Variants in DGKG observed in about 807,000 individuals in gnomAD.
DGKG encodes the protein diacylglycerol kinase gamma.
A neutral mutation model predicts 105.3 loss-of-function variants in DGKG; 78 were observed. That is an observed-to-expected ratio of 0.74 (90% confidence interval 0.62 to 0.89). The LOEUF (loss-of-function observed/expected upper bound fraction) is 0.89. DGKG is among the 40% of genes least tolerant of loss of function. The pLI is 0.00. For synonymous variants in DGKG, 346 were observed against 367.1 expected (o/e 0.94, Z 0.66); for missense variants, 958 against 1,020.1 (o/e 0.94, Z 0.83).
rs928726436 is a variant in DGKG, at chr3:186,362,092, G to C, written c.-395C>G. On this transcript the variant is annotated 5_prime_UTR_variant, in exon 1 of 25. Coordinates refer to ENST00000265022, the MANE Select transcript of DGKG (RefSeq NM_001346.3). ...GTCTTCCCGCCTGCGCAGCCCTCTC[G>C]GGGGAGGGGGATGCAGCCCCAGTGG... 1 of 152,382 alleles carries C rather than the reference G, an allele frequency of 6.6e-6. No homozygotes were observed. The highest frequency in any genetic ancestry group is 1.5e-5 in the Non-Finnish European group (1 of 68,198). The allele number at this position is 152,382 out of a possible 1,614,324, so 9.4% of individuals were successfully genotyped here. A position where few individuals can be genotyped will look rare whatever the true frequency, so the allele number is the denominator to read the frequency against.
At chr3:186,292,915 CAT>C (rs999268019) in intron 5 of DGKG, among the ~76,000 whole-genome samples, 10 of 152,244 alleles carry the variant, frequency 6.6e-5, no homozygotes, top group African/African-American at 1.4e-4. Flanking sequence ...CACACACACA[CAT>C]GTAATTGCAT....
chr3:186,155,891 C>A (rs1578598214), intron 24 of DGKG, among the ~76,000 whole-genome samples: 1 of 152,136 alleles, frequency 6.6e-6, no homozygotes, highest in African/African-American at 2.4e-5. Context: ...ATTTGAAAAT[C>A]TTTTCTTCCT....
At chr3:186,267,186 A>C (rs1458239493) in intron 13 of DGKG, among the ~76,000 whole-genome samples, 1 of 152,066 alleles carries the variant, frequency 6.6e-6, no homozygotes, top group Non-Finnish European at 1.5e-5. Context: ...GAGATGAGGG[A>C]GGTTGGGAGC....
intron 3 of DGKG, 57 bp from the exon 4 acceptor site, chr3:186,298,286 G>A: frequency 6.7e-7 from 1 of 1,491,864 alleles, no homozygotes; most frequent in Non-Finnish European, 9.0e-7. Context: ...CAGAGAGGAA[G>A]AGAGAAGGAA....
intron 3 of DGKG, among the ~76,000 whole-genome samples, chr3:186,302,521 TATATATATATAC>T (rs1414821355): frequency 3.2e-4 from 20 of 62,054 alleles, no homozygotes; most frequent in East Asian, 5.5e-4. Flanking sequence ...TGTGTATATA[TATATATATATAC>T]ATATGTATAT....
In DGKG at chr3:186,275,622, A is replaced by C. The variant is rs1482376544; in HGVS notation, c.835T>G (p.Phe279Val). The C allele has an allele frequency of 1.2e-6, 2 of 1,614,230 alleles. No homozygotes were observed. Among genetic ancestry groups the C allele is most frequent in the Non-Finnish European group, 1.7e-6 (2 of 1,180,048 alleles). The change falls in exon 10 of 25, where the codon TTC (phenylalanine) becomes GTC (valine). Residue 279 changes from phenylalanine (F) to valine (V), a missense_variant. By Grantham distance (50) the Phe-to-Val change is conservative (BLOSUM62 -1). Transcript: ENST00000265022. ...DGRHAWTMKH[F>V]KKPTYCNFCH... is the part of the protein sequence containing the mutation. ...AAGTTGCAGTAGGTTGGTTTCTTGA[A>C]GTGCTTCATGGTCCAGGCGTGCCGC...
intron 17 of DGKG, among the ~76,000 whole-genome samples, chr3:186,253,602 A>T (rs1295901171): frequency 6.6e-6 from 1 of 152,210 alleles, no homozygotes. Flanking sequence ...AGAAACTGAG[A>T]TTGACAGAGG....
At chr3:186,163,411 G>C (rs1438473604) in intron 23 of DGKG, among the ~76,000 whole-genome samples, 3 of 152,152 alleles carry the variant, frequency 2.0e-5, no homozygotes, top group African/African-American at 4.8e-5. Context: ...TCTTTTGGAG[G>C]CCTCTGGTCT....
At chr3:186,300,954 C>T (rs1323549673) in intron 3 of DGKG, among the ~76,000 whole-genome samples, 2 of 152,216 alleles carry the variant, frequency 1.3e-5, no homozygotes, top group Non-Finnish European at 2.9e-5. Flanking sequence ...CTTCAATTAG[C>T]TTGCTCCCTG....
chr3:186,231,231 C>T lies in DGKG; in HGVS notation c.1826+11273G>A, dbSNP rs559452891. Among the ~76,000 whole-genome samples the T allele has an allele frequency of 6.6e-6, 1 of 152,234 alleles. No homozygotes were observed. Among genetic ancestry groups the T allele is most frequent in the Admixed American group, 6.5e-5 (1 of 15,292 alleles). On this transcript the variant is annotated intron_variant, in intron 20 of 24. Transcript: ENST00000265022. The surrounding 1 kb of genome is among the most constrained non-coding windows in gnomAD (Gnocchi z 4.5). ...GTGGTTTTCTCATGGGCCCTTTAAT[C>T]ATATCTATGGCTCTTTTCTAGTCTT... is the stretch of plus-strand genomic sequence containing the variant.
chr3:186,304,525 G>A lies in DGKG; in HGVS notation c.144+2376C>T, dbSNP rs531300616. 2.0e-5 allele frequency among the ~76,000 whole-genome samples: 3 copies of A among 152,322 alleles called. No homozygotes were observed. In the East Asian group the frequency reaches 5.8e-4, roughly 29 times the overall value. On this transcript the variant is annotated intron_variant, in intron 3 of 24. Coordinates refer to ENST00000265022, the MANE Select transcript of DGKG (RefSeq NM_001346.3). The stretch of plus-strand genomic sequence containing the variant: ...TGGATGACAACGTGAATAAGAAAGT[G>A]GCCAGTCTCTCCCTAAGTGAATCCT...
At chr3:186,325,631 T>G (rs954531933) in intron 1 of DGKG, among the ~76,000 whole-genome samples, 15 of 152,084 alleles carry the variant, frequency 9.9e-5, no homozygotes, top group African/African-American at 3.4e-4. Context: ...TAGGAGTCTA[T>G]TGTAAGTAAG....
At chr3:186,272,469 G>A in intron 10 of DGKG, 126 bp from the exon 11 acceptor site, 1 of 689,108 alleles carries the variant, frequency 1.5e-6, no homozygotes, top group Non-Finnish European at 2.6e-6. Context: ...GGGGACACAT[G>A]GGGCTGGTCT....
At chr3:186,178,209 C>T (rs567436794) in intron 22 of DGKG, among the ~76,000 whole-genome samples, 29 of 152,136 alleles carry the variant, frequency 1.9e-4, no homozygotes, top group Non-Finnish European at 3.2e-4. Context: ...TATTCTGTTA[C>T]GGAAGCCCAA....
chr3:186,287,565 G>C (rs141304536), intron 6 of DGKG, among the ~76,000 whole-genome samples: 1 of 152,188 alleles, frequency 6.6e-6, no homozygotes. Flanking sequence ...AAAAAAATCT[G>C]TCACCTTCTC....
intron 9 of DGKG, 123 bp downstream of exon 9, chr3:186,279,728 G>T: frequency 9.2e-7 from 1 of 1,091,138 alleles, no homozygotes. Flanking sequence ...AGGACTTTGG[G>T]GCTGGTCATG....
chr3:186,299,329 C>T (rs879935285), intron 3 of DGKG, among the ~76,000 whole-genome samples: 2 of 152,118 alleles, frequency 1.3e-5, no homozygotes, highest in African/African-American at 2.4e-5. Context: ...ATCTGGGAGA[C>T]GTCCCAGAAC....
rs186094071 is a variant in DGKG, at chr3:186,194,110, C to A, written c.1918-5731G>T. Among the ~76,000 whole-genome samples, 1,191 of 152,346 alleles carry A rather than the reference C, an allele frequency of 7.8e-3. 20 individuals are homozygous for A. The highest frequency in any genetic ancestry group is 0.027 in the African/African-American group (1,140 of 41,582). ...GCTGCCGGCCACGTTCAACTGTGTCCCCCTTGGGAAGACAATCCCCCCAGT... is the reference window on the plus strand; with the variant it reads ...GCTGCCGGCCACGTTCAACTGTGTCACCCTTGGGAAGACAATCCCCCCAGT... On this transcript the variant is annotated intron_variant, in intron 21 of 24. Transcript: ENST00000265022.
intron 22 of DGKG, 109 bp downstream of exon 22, chr3:186,188,093 C>T (rs980837786): frequency 1.6e-6 from 2 of 1,271,552 alleles, no homozygotes; most frequent in Admixed American, 1.9e-5. Flanking sequence ...ATCCGCAGAG[C>T]ATGGAGTCCT....
Sources: allele counts gnomAD v4.1 joint callset (sites outside exome capture counted in the v4.1 genomes callset), GRCh38; gene constraint gnomAD v4.1.1; non-coding constraint Gnocchi (gnomAD v3.1); transcripts MANE v1.5; gene names NCBI Gene and HGNC (gene_info 2026-07-23, HGNC 2026-07-21).